The following ZMYM1 variants were observed in gnomAD, a reference collection of about 807,000 sequenced individuals.
The protein encoded by ZMYM1 is zinc finger MYM-type containing 1.
Under a neutral mutation model 60.0 loss-of-function variants are expected in ZMYM1, and 39 were observed. The ratio of observed to expected loss-of-function variants is 0.65; its 90% confidence interval spans 0.50 to 0.85. ZMYM1 has a LOEUF of 0.85. ZMYM1 is among the 40% of genes least tolerant of loss of function. ZMYM1 has a pLI of 0.00. For missense variants in ZMYM1, 1,171 were observed against 1,309.5 expected (o/e 0.89, Z 1.63); for synonymous variants, 413 against 454.0 (o/e 0.91, Z 1.15).
chr1:35,066,368 T>G (rs11807427), intron 1 of ZMYM1, among the ~76,000 whole-genome samples: 7,292 of 152,172 alleles, frequency 0.048, 512 homozygotes, highest in African/African-American at 0.16. Flanking sequence ...CAGCTAATTT[T>G]TGCATTTTTA....
In ZMYM1 at chr1:35,082,355, G is replaced by C. The variant is rs1429197869; in HGVS notation, c.-75+2913G>C. Among the ~76,000 whole-genome samples the C allele has an allele frequency of 4.0e-5, 6 of 150,188 alleles. No homozygotes were observed. The East Asian group carries it at 1.2e-3, about 30-fold the overall frequency. ...TCCAACTTTTTTTTTTTTTTAAATG[G>C]AGTCATGCGCTGTCACCCAGGCTGG... On this transcript the variant is annotated intron_variant, in intron 1 of 9. Coordinates refer to ENST00000359858, the MANE Select transcript of ZMYM1 (RefSeq NM_024772.5).
intron 1 of ZMYM1, among the ~76,000 whole-genome samples, chr1:35,082,777 C>T (rs1199590859): frequency 4.6e-5 from 7 of 151,248 alleles, no homozygotes; most frequent in Non-Finnish European, 8.9e-5. Context: ...GTCAGGAGTT[C>T]CAGACCAGCC....
intron 1 of ZMYM1, among the ~76,000 whole-genome samples, chr1:35,063,019 C>G (rs531057440): frequency 2.4e-4 from 36 of 152,150 alleles, no homozygotes; most frequent in African/African-American, 4.8e-5. Flanking sequence ...CTTGGCAGCT[C>G]TCCTCCAGGC....
chr1:35,073,377 A>AAG (rs1557626726), intron 1 of ZMYM1, among the ~76,000 whole-genome samples: 2 of 82,088 alleles, frequency 2.4e-5, no homozygotes, highest in Non-Finnish European at 5.2e-5. Flanking sequence ...AAGGAAGGAA[A>AAG]GAAAGGAAAG....
At chr1:35,106,587 C>T (rs959444455) in intron 6 of ZMYM1, among the ~76,000 whole-genome samples, 14 of 125,824 alleles carry the variant, frequency 1.1e-4, no homozygotes, top group Admixed American at 2.0e-4. Flanking sequence ...CCAGCCTAGG[C>T]GACAGAGTGA....
upstream of ZMYM1, chr1:35,078,876 A>G (rs1373997386): frequency 6.6e-6 from 1 of 151,848 alleles, no homozygotes; most frequent in Non-Finnish European, 1.5e-5. Flanking sequence ...TAACGTACTA[A>G]TGAAAGAAGT....
intron 1 of ZMYM1, among the ~76,000 whole-genome samples, chr1:35,064,968 C>T (rs932344249): frequency 2.6e-4 from 40 of 152,118 alleles, no homozygotes; most frequent in African/African-American, 8.4e-4. Flanking sequence ...AGCCACTGCG[C>T]CCGGCCTAAA....
chr1:35,101,750 G>A (rs960140091), intron 4 of ZMYM1, among the ~76,000 whole-genome samples: 2 of 151,342 alleles, frequency 1.3e-5, no homozygotes, highest in African/African-American at 2.4e-5. Context: ...TAGTAGAGAC[G>A]GGGTTGGCCA....
chr1:35,086,970 A>ACTGTGC (rs1642688238), intron 1 of ZMYM1, among the ~76,000 whole-genome samples: 1 of 114,018 alleles, frequency 8.8e-6, no homozygotes, highest in African/African-American at 3.5e-5. Flanking sequence ...GGCATGAGCC[A>ACTGTGC]CCGCACCCAG....
intron 1 of ZMYM1, among the ~76,000 whole-genome samples, chr1:35,084,261 C>G (rs1448155724): frequency 6.6e-6 from 1 of 151,714 alleles, no homozygotes; most frequent in Non-Finnish European, 1.5e-5. Flanking sequence ...ATAACCAAGT[C>G]CTTGCCTGAC....
At chr1:35,087,488 G>A (rs556645143) in intron 1 of ZMYM1, among the ~76,000 whole-genome samples, 2 of 151,108 alleles carry the variant, frequency 1.3e-5, no homozygotes, top group Non-Finnish European at 2.9e-5. Context: ...GTGCAATGGC[G>A]CAGTCTCAGT....
chr1:35,084,785 T>C (rs1050851633), intron 1 of ZMYM1, among the ~76,000 whole-genome samples: 5 of 152,186 alleles, frequency 3.3e-5, no homozygotes, highest in African/African-American at 1.2e-4. Context: ...CGCCAATGAC[T>C]TGGAGGAGGG....
At chr1:35,071,404 C>T (rs1642065511) in intron 1 of ZMYM1, among the ~76,000 whole-genome samples, 1 of 152,072 alleles carries the variant, frequency 6.6e-6, no homozygotes, top group Non-Finnish European at 1.5e-5. Flanking sequence ...GCAATCATGG[C>T]TCACTACAGC....
Position 35,072,058 on chromosome 1 carries a change from C to G in ZMYM1, c.-300-6936C>G, listed in dbSNP as rs926609349. Among the ~76,000 whole-genome samples, 5 of 152,212 alleles carry G rather than the reference C, an allele frequency of 3.3e-5. No homozygotes were observed. The East Asian group carries it at 9.7e-4, about 29-fold the overall frequency. On this transcript the variant is annotated intron_variant, in intron 1 of 10. Coordinates refer to the ZMYM1 transcript ENST00000417119. ...CTGAGGCAGGAGAATTCCTTGAACC[C>G]AGGAGGTGGAGGTTGCAGTGAGCCG...
At position 35,104,650 on chromosome 1, in the gene ZMYM1, A is replaced by C. The variant is rs376990386; in HGVS notation, c.688A>C (p.Asn230His). 7.4e-6 allele frequency: 12 copies of C among 1,614,054 alleles called. No homozygotes were observed. In the African/African-American group the frequency reaches 1.6e-4, roughly 22 times the overall value. ...KFHSANNFIM[N>H]CCENCGTYCY... ...TCACTCTGCTAACAACTTCATCATG[A>C]ACTGCTGTGAGAACTGTGGCACTTA... Residue 230 changes from asparagine to histidine, a missense_variant, in exon 6 of 10, where the codon AAC becomes CAC. Physicochemically the swap from Asn to His is moderately conservative, Grantham distance 68. Coordinates refer to ENST00000359858, the MANE Select transcript of ZMYM1 (RefSeq NM_024772.5).
At position 35,111,784 on chromosome 1, in the gene ZMYM1, C is replaced by G. The variant is rs772433935; in HGVS notation, c.974C>G (p.Ser325Cys). 6.3e-6 allele frequency: 10 copies of G among 1,577,660 alleles called. No homozygotes were observed. The highest frequency in any genetic ancestry group is 1.2e-5 in the South Asian group (1 of 84,662). The change falls in exon 8 of 10, where the codon TCT becomes TGT. Residue 325 changes from serine (S) to cysteine (C), a missense_variant. Ser to Cys is a moderately radical substitution (Grantham distance 112, BLOSUM62 -1). Transcript: ENST00000359858. Reference protein sequence around the residue: ...KMESSSVSVVSVVHDTSTELL... With the variant: ...KMESSSVSVVCVVHDTSTELL... ...TTATTGTTGTCAGTAAGTGTTGTTTCTGTGGTGCATGATACTTCAACAGAG... is the reference window on the plus strand; with the variant it reads ...TTATTGTTGTCAGTAAGTGTTGTTTGTGTGGTGCATGATACTTCAACAGAG...
intron 1 of ZMYM1, among the ~76,000 whole-genome samples, chr1:35,071,387 G>C (rs1642065087): frequency 6.6e-6 from 1 of 152,048 alleles, no homozygotes; most frequent in Non-Finnish European, 1.5e-5. Context: ...GGCTGGAATG[G>C]AATGGCGCAA....
intron 1 of ZMYM1, among the ~76,000 whole-genome samples, chr1:35,062,585 T>A (rs1641895389): frequency 6.6e-6 from 1 of 152,256 alleles, no homozygotes; most frequent in Admixed American, 6.5e-5. Context: ...TTTGTAATCC[T>A]AAATCTGCCA....
At position 35,095,800 on chromosome 1, in the gene ZMYM1, A is replaced by T. The variant is rs370390577; in HGVS notation, c.97-19A>T. 421 of 1,422,364 alleles carry T rather than the reference A, an allele frequency of 3.0e-4. No individual in the cohort carries two copies. The highest frequency in any genetic ancestry group is 1.7e-3 in the Middle Eastern group (8 of 4,734). 88.1% of individuals were successfully genotyped at this position (1,422,364 alleles called of 1,614,324 possible). A position where few individuals can be genotyped will look rare whatever the true frequency, so the allele number is the denominator to read the frequency against. On this transcript the variant is annotated intron_variant, in intron 2 of 9. Coordinates refer to ENST00000359858, the MANE Select transcript of ZMYM1 (RefSeq NM_024772.5). ...ATTGTATTCACTATTTTTAATTATT[A>T]TTTTTTTTTTCTTTTTAGGAGTATT...
Sources: allele counts gnomAD v4.1 joint callset (sites outside exome capture counted in the v4.1 genomes callset), GRCh38; gene constraint gnomAD v4.1.1; transcripts MANE v1.5; gene names NCBI Gene and HGNC (gene_info 2026-07-23, HGNC 2026-07-21).